NEBL: variants seen among roughly 807,000 people sequenced by gnomAD.
NEBL encodes LIM and SH3 protein 2.
Under a neutral mutation model 140.2 loss-of-function variants are expected in NEBL, and 122 were observed. That is an observed-to-expected ratio of 0.87 (90% CI 0.75 to 1.01). The LOEUF (loss-of-function observed/expected upper bound fraction) is 1.01, where lower values mean the gene tolerates loss of function less well. Among genes scored for constraint, NEBL ranks in the 50% least tolerant of loss-of-function variants. The pLI is 0.00. For synonymous variants in NEBL, 436 were observed against 398.9 expected (o/e 1.09, Z -1.11); for missense variants, 1,365 against 1,231.3 (o/e 1.11, Z -1.62).
At chr10:20,934,718 G>A (rs1834385428) in intron 4 of NEBL, among the ~76,000 whole-genome samples, 1 of 152,176 alleles carries the variant, frequency 6.6e-6, no homozygotes, top group Admixed American at 6.5e-5. Context: ...ACCAAGCTGT[G>A]TTGGTTTGTA....
intron 3 of NEBL, among the ~76,000 whole-genome samples, chr10:20,962,816 G>A (rs981875444): frequency 6.6e-6 from 1 of 152,004 alleles, no homozygotes; most frequent in African/African-American, 2.4e-5. Flanking sequence ...TTAATTTAGG[G>A]TTGCCTATTC....
chr10:20,981,070 AT>A (rs1447914754), intron 3 of NEBL, among the ~76,000 whole-genome samples: 1 of 152,104 alleles, frequency 6.6e-6, no homozygotes, highest in Non-Finnish European at 1.5e-5. Context: ...GATTATAGGC[AT>A]AAGCCACTGT....
chr10:21,023,742 T>G (rs1360003635), intron 2 of NEBL, among the ~76,000 whole-genome samples: 1 of 152,042 alleles, frequency 6.6e-6, no homozygotes, highest in South Asian at 2.1e-4. Flanking sequence ...AAATTCTGCT[T>G]AATTATTTAA....
chr10:21,187,872 T>G (rs531383888), intron 3 of NEBL, among the ~76,000 whole-genome samples: 1 of 152,240 alleles, frequency 6.6e-6, no homozygotes, highest in Non-Finnish European at 1.5e-5. Flanking sequence ...CTTTTTCCCC[T>G]CTGCCTGCCA....
rs1275964413 is a variant in NEBL at position 20,840,735 on chromosome 10, T to G, written c.1338+4A>C. ...CATCTAAGGTGTTAAATAAACATACTCACCTCACTTGCCATTTCAGAGGCT... is the reference window on the plus strand; with the variant it reads ...CATCTAAGGTGTTAAATAAACATACGCACCTCACTTGCCATTTCAGAGGCT... On this transcript the variant is annotated splice_donor_region_variant and intron_variant, in intron 13 of 27. Transcript: ENST00000377122. 2 of 1,577,698 alleles carry G rather than the reference T, an allele frequency of 1.3e-6. No homozygotes were observed. Among genetic ancestry groups the G allele is most frequent in the East Asian group, 2.2e-5 (1 of 44,612 alleles).
At chr10:21,179,407 T>C (rs1240300715), upstream of NEBL, among the ~76,000 whole-genome samples, 2 of 152,168 alleles carry the variant, frequency 1.3e-5, no homozygotes, top group African/African-American at 4.8e-5. Flanking sequence ...CACAAGAAGC[T>C]GACTCACCAA....
intron 3 of NEBL, among the ~76,000 whole-genome samples, chr10:21,222,915 A>G (rs1246207991): frequency 5.3e-5 from 8 of 152,326 alleles, no homozygotes; most frequent in African/African-American, 1.9e-4. Context: ...GGCATGCACC[A>G]CCATGCCCGG....
At chr10:20,833,773 A>G (rs1441572811) in intron 14 of NEBL, among the ~76,000 whole-genome samples, 1 of 152,062 alleles carries the variant, frequency 6.6e-6, no homozygotes, top group Non-Finnish European at 1.5e-5. Flanking sequence ...AAAAAAAAGA[A>G]AAAAAGAATG....
At chr10:21,241,631 G>C (rs1017977814) in intron 3 of NEBL, among the ~76,000 whole-genome samples, 1 of 152,098 alleles carries the variant, frequency 6.6e-6, no homozygotes, top group African/African-American at 2.4e-5. Flanking sequence ...GGCTGAAAAA[G>C]GGAGAAAGAC....
chr10:21,140,957 A>G (rs1839601515), intron 2 of NEBL, among the ~76,000 whole-genome samples: 1 of 151,944 alleles, frequency 6.6e-6, no homozygotes. Context: ...TTAAAGTAAA[A>G]TTAAAAAAAA....
intron 1 of NEBL, among the ~76,000 whole-genome samples, chr10:21,277,689 C>T (rs1842941751): frequency 6.6e-6 from 1 of 152,224 alleles, no homozygotes; most frequent in African/African-American, 2.4e-5. Flanking sequence ...TTCCCTGCCT[C>T]TTGCATTCTA....
chr10:20,932,740 C>T (rs144814190), intron 4 of NEBL, among the ~76,000 whole-genome samples: 3 of 152,256 alleles, frequency 2.0e-5, no homozygotes, highest in Admixed American at 6.5e-5. Context: ...TTTTATTTGT[C>T]GATACTAATC....
chr10:20,864,592 T>C (rs1424656603), intron 7 of NEBL, among the ~76,000 whole-genome samples: 1 of 152,196 alleles, frequency 6.6e-6, no homozygotes, highest in Non-Finnish European at 1.5e-5. Context: ...TGTCATTGCC[T>C]TCTCTGTTAC....
At chr10:21,104,803 T>C (rs1029483173) in intron 2 of NEBL, among the ~76,000 whole-genome samples, 2 of 152,238 alleles carry the variant, frequency 1.3e-5, no homozygotes, top group African/African-American at 2.4e-5. Context: ...ACCCTGTTCC[T>C]CATCTCAGGG....
At position 21,107,728 on chromosome 10, in the gene NEBL, G is replaced by A. The variant is rs192050211; in HGVS notation, c.164+64655C>T. On this transcript the variant is annotated intron_variant, in intron 2 of 6. Transcript: ENST00000417816. ...CCCTCTTTTTCTACAGATTGAAATA[G>A]TTTTGGAAGGAATGGTACCAGCTCC... Among the ~76,000 whole-genome samples the A allele has an allele frequency of 2.9e-3, 435 of 152,270 alleles. 2 individuals carry two copies. The highest frequency in any genetic ancestry group is 4.3e-3 in the Non-Finnish European group (290 of 68,010).
chr10:20,807,934 A>G (rs1412816027), intron 26 of NEBL, among the ~76,000 whole-genome samples: 1 of 152,022 alleles, frequency 6.6e-6, no homozygotes, highest in Admixed American at 6.6e-5. Flanking sequence ...AAGAGTGGGT[A>G]TATAAAATAG....
chr10:20,973,894 A>T (rs1270103365), intron 3 of NEBL, among the ~76,000 whole-genome samples: 1 of 152,228 alleles, frequency 6.6e-6, no homozygotes, highest in Non-Finnish European at 1.5e-5. Flanking sequence ...TGCCAAAAAG[A>T]GTCCTGGTCT....
chr10:20,992,652 C>G (rs1239694716), intron 3 of NEBL, among the ~76,000 whole-genome samples: 2 of 152,030 alleles, frequency 1.3e-5, no homozygotes, highest in Admixed American at 6.6e-5. Context: ...ACCTAGCTCT[C>G]CTACCCTCGC....
intron 3 of NEBL, among the ~76,000 whole-genome samples, chr10:20,993,022 A>T (rs973462363): frequency 4.6e-5 from 7 of 151,630 alleles, no homozygotes; most frequent in Non-Finnish European, 1.0e-4. Flanking sequence ...TGACCTCATG[A>T]TCTGCCCGCC....
Sources: gnomAD v4.1 joint callset for allele counts (sites outside exome capture counted in the v4.1 genomes callset) on GRCh38, gnomAD v4.1.1 for gene constraint, MANE v1.5 for transcripts, NCBI Gene and HGNC (gene_info 2026-07-23, HGNC 2026-07-21) for gene names.